DSCAM: variants seen among roughly 807,000 people sequenced by gnomAD.
The protein encoded by DSCAM is cell adhesion molecule DSCAM.
DSCAM carries 47 observed loss-of-function variants against 217.7 expected under a neutral mutation model. That is an observed-to-expected ratio of 0.22 (90% CI 0.17 to 0.28). DSCAM has a LOEUF of 0.28. Among genes scored for constraint, DSCAM ranks in the 10% least tolerant of loss-of-function variants. The probability of loss-of-function intolerance (pLI) is 1.00; values close to 1 mark genes in which losing one functional copy is unlikely to be tolerated. For missense variants in DSCAM, 2,080 were observed against 2,618.3 expected (o/e 0.79, Z 4.49); for synonymous variants, 1,056 against 1,015.3 (o/e 1.04, Z -0.76).
intron 3 of DSCAM, among the ~76,000 whole-genome samples, chr21:40,646,344 G>A (rs1483194454): frequency 6.6e-6 from 1 of 151,736 alleles, no homozygotes; most frequent in Non-Finnish European, 1.5e-5. Flanking sequence ...CCAGGAGGTG[G>A]AGGTTGCAGT....
Position 40,078,674 on chromosome 21 carries a change from C to T in DSCAM, c.4711+13G>A. 2.5e-6 allele frequency: 4 copies of T among 1,606,984 alleles called. No homozygotes were observed. The highest frequency in any genetic ancestry group is 3.4e-6 in the Non-Finnish European group (4 of 1,175,272). ...AGACACAAGCAGGAGAGCCACAAAG[C>T]CAGCCAGCTTACTGCCATCGTAGTT... On this transcript the variant is annotated intron_variant, in intron 26 of 32. Coordinates refer to ENST00000400454, the MANE Select transcript of DSCAM (RefSeq NM_001389.5).
intron 21 of DSCAM, among the ~76,000 whole-genome samples, chr21:40,093,339 C>A (rs1457862986): frequency 6.6e-6 from 1 of 152,200 alleles, no homozygotes; most frequent in Non-Finnish European, 1.5e-5. Context: ...TTTAAGCTTG[C>A]AAATTCCATA....
At chr21:40,052,816 G>A (rs2088954241) in intron 29 of DSCAM, among the ~76,000 whole-genome samples, 1 of 152,220 alleles carries the variant, frequency 6.6e-6, no homozygotes, top group African/African-American at 2.4e-5. Flanking sequence ...GAGCGAGGCA[G>A]GAGCCTGGGT....
intron 3 of DSCAM, among the ~76,000 whole-genome samples, chr21:40,501,840 C>T (rs1198775224): frequency 6.6e-6 from 1 of 152,218 alleles, no homozygotes; most frequent in African/African-American, 2.4e-5. Flanking sequence ...GATCCACCCC[C>T]ACCTTGGCCT....
chr21:40,689,526 C>T lies in DSCAM; in HGVS notation c.508+3284G>A, dbSNP rs557260527. ...TCCTAGGTCAACTCTCTGGCACTCC[C>T]ATACCTGCTCCTAACTCACTCACTT... is the stretch of plus-strand genomic sequence containing the variant. On this transcript the variant is annotated intron_variant, in intron 3 of 32. Transcript: ENST00000400454. 4.6e-5 allele frequency among the ~76,000 whole-genome samples: 7 copies of T among 152,378 alleles called. No homozygotes were observed. The South Asian group carries it at 1.4e-3, about 32-fold the overall frequency.
intron 1 of DSCAM, among the ~76,000 whole-genome samples, chr21:40,845,546 T>TTCTTCTC (rs2092137568): frequency 2.1e-5 from 3 of 144,764 alleles, no homozygotes; most frequent in Admixed American, 6.9e-5. Flanking sequence ...TTCTCCTCTC[T>TTCTTCTC]CTCTCTCTCT....
intron 3 of DSCAM, among the ~76,000 whole-genome samples, chr21:40,435,679 A>C (rs1861132044): frequency 6.6e-6 from 1 of 152,218 alleles, no homozygotes; most frequent in African/African-American, 2.4e-5. Context: ...CCTTTGTCAA[A>C]AATCAGCTGA....
chr21:40,598,406 A>G (rs1362113774), intron 3 of DSCAM, among the ~76,000 whole-genome samples: 5 of 151,780 alleles, frequency 3.3e-5, no homozygotes, highest in Non-Finnish European at 7.4e-5. Flanking sequence ...ACGGGGAAAT[A>G]AGTTTTCAAA....
rs1292919353 is a variant in DSCAM at position 40,459,472 on chromosome 21, A to C, written c.509-90227T>G. Reference sequence around the variant, plus strand: ...TCAGTGAAGTGACTGAGTAAAAAGTAAAAAGTAAATAGGTTGCCTAAGTAT... The same window carrying C: ...TCAGTGAAGTGACTGAGTAAAAAGTCAAAAGTAAATAGGTTGCCTAAGTAT... On this transcript the variant is annotated intron_variant, in intron 3 of 32. Coordinates refer to ENST00000400454, the MANE Select transcript of DSCAM (RefSeq NM_001389.5). 2.0e-5 allele frequency among the ~76,000 whole-genome samples: 3 copies of C among 152,232 alleles called. No homozygotes were observed. The East Asian group carries it at 5.8e-4, about 29-fold the overall frequency.
intron 3 of DSCAM, among the ~76,000 whole-genome samples, chr21:40,578,738 G>A (rs138996062): frequency 1.1e-3 from 173 of 152,258 alleles, no homozygotes; most frequent in South Asian, 4.1e-3. Flanking sequence ...TGAAGTCAGC[G>A]AGAACAAGAA....
intron 3 of DSCAM, among the ~76,000 whole-genome samples, chr21:40,605,791 C>CTTTTTTTTTTTTTTTTTTTTTTTTTTTTT (rs755767800): frequency 3.2e-5 from 2 of 62,006 alleles, no homozygotes; most frequent in African/African-American, 1.3e-4. Flanking sequence ...AATGCACATT[C>CTTTTTTTTTTTTTTTTTTTTTTTTTTTTT]TTTTTTTTTT....
intron 10 of DSCAM, among the ~76,000 whole-genome samples, chr21:40,294,322 CATAAG>C (rs1296387308): frequency 2.0e-5 from 3 of 152,070 alleles, no homozygotes; most frequent in African/African-American, 7.2e-5. Flanking sequence ...GGTCTGTTAA[CATAAG>C]ATAAAACATG....
At chr21:40,600,506 G>A (rs1405147337) in intron 3 of DSCAM, among the ~76,000 whole-genome samples, 2 of 151,876 alleles carry the variant, frequency 1.3e-5, no homozygotes, top group African/African-American at 4.8e-5. Context: ...GAATTTTGGG[G>A]AGACACATAC....
At chr21:40,651,632 A>T (rs1056521091) in intron 3 of DSCAM, among the ~76,000 whole-genome samples, 3 of 151,998 alleles carry the variant, frequency 2.0e-5, no homozygotes, top group Admixed American at 1.3e-4. Context: ...CAATTTCGTC[A>T]CTCTCTGACC....
At chr21:40,421,668 CAGGAGAGA>C (rs1292182750) in intron 3 of DSCAM, among the ~76,000 whole-genome samples, 1 of 152,222 alleles carries the variant, frequency 6.6e-6, no homozygotes, top group Non-Finnish European at 1.5e-5. Flanking sequence ...CTTTGGCTCT[CAGGAGAGA>C]TAAACAACAG....
At chr21:40,721,439 C>T (rs1200014271) in intron 1 of DSCAM, among the ~76,000 whole-genome samples, 1 of 151,994 alleles carries the variant, frequency 6.6e-6, no homozygotes, top group Non-Finnish European at 1.5e-5. Context: ...AGGAAGAGCT[C>T]ATTGATGAGA....
At chr21:40,057,428 C>G (rs899463469) in intron 28 of DSCAM, among the ~76,000 whole-genome samples, 2 of 152,174 alleles carry the variant, frequency 1.3e-5, no homozygotes, top group African/African-American at 4.8e-5. Flanking sequence ...GGGAACTACT[C>G]CTCTGTGAAT....
intron 3 of DSCAM, among the ~76,000 whole-genome samples, chr21:40,641,138 A>G (rs998940914): frequency 3.9e-5 from 6 of 152,148 alleles, no homozygotes. Flanking sequence ...CTCAGCGTTT[A>G]TTTTGCCTCT....
At chr21:40,366,867 GT>G (rs1469465031) in intron 4 of DSCAM, among the ~76,000 whole-genome samples, 1 of 152,112 alleles carries the variant, frequency 6.6e-6, no homozygotes, top group African/African-American at 2.4e-5. Context: ...CTAGAACACT[GT>G]TTTTTACATT....
Sources: allele counts gnomAD v4.1 joint callset (sites outside exome capture counted in the v4.1 genomes callset), GRCh38; gene constraint gnomAD v4.1.1; transcripts MANE v1.5; gene names NCBI Gene and HGNC (gene_info 2026-07-23, HGNC 2026-07-21).